ITGB8: variants seen among roughly 807,000 people sequenced by gnomAD.
ITGB8 encodes integrin subunit beta 8.
A neutral mutation model predicts 89.5 loss-of-function variants in ITGB8; 30 were observed. The observed-to-expected ratio is 0.34, with a 90% confidence interval of 0.25 to 0.45. The LOEUF (loss-of-function observed/expected upper bound fraction) is 0.45, where lower values mean the gene tolerates loss of function less well. ITGB8 is among the 20% of genes least tolerant of loss of function. The probability of loss-of-function intolerance (pLI) is 1.00; values close to 1 mark genes in which losing one functional copy is unlikely to be tolerated. For missense variants in ITGB8, 836 were observed against 933.3 expected (o/e 0.90, Z 1.36); for synonymous variants, 335 against 320.4 (o/e 1.05, Z -0.49).
intron 1 of ITGB8, among the ~76,000 whole-genome samples, chr7:20,360,348 AT>A (rs71020629): frequency 5.5e-5 from 7 of 127,688 alleles, no homozygotes; most frequent in South Asian, 2.5e-4. Flanking sequence ...CAGTCCTTTA[AT>A]TTTTTTTTTT....
chr7:20,391,402 G>A lies in ITGB8; in HGVS notation c.961-1G>A. On this transcript the variant is annotated splice_acceptor_variant, in intron 6 of 13. Transcript: ENST00000222573. LOFTEE classifies it high-confidence loss of function. ...CTTATTTATTTTATTATTCATTACA[G>A]GAACACCCCTCACTAGGCCAACTTT... The A allele has an allele frequency of 6.5e-7, 1 of 1,533,162 alleles. No homozygotes were observed. The highest frequency in any genetic ancestry group is 2.3e-5 in the East Asian group (1 of 43,684). 95.0% of individuals were successfully genotyped at this position (1,533,162 alleles called of 1,614,324 possible). A position where few individuals can be genotyped will look rare whatever the true frequency, so the allele number is the denominator to read the frequency against.
chr7:20,362,205 G>A (rs1785530079), intron 1 of ITGB8, among the ~76,000 whole-genome samples: 1 of 151,956 alleles, frequency 6.6e-6, no homozygotes, highest in East Asian at 1.9e-4. Context: ...CTTTTATCTT[G>A]TATTTCCAGA....
At chr7:20,347,554 G>A (rs189300062) in intron 1 of ITGB8, among the ~76,000 whole-genome samples, 1 of 152,352 alleles carries the variant, frequency 6.6e-6, no homozygotes, top group East Asian at 1.9e-4. Context: ...GGCTGTGGTA[G>A]AGAGAGGAGT....
In ITGB8 at chr7:20,404,611, C is replaced by G; in HGVS notation, c.1688-17C>G. 6.3e-7 allele frequency: 1 copy of G among 1,599,544 alleles called. No individual in the cohort carries two copies. Among genetic ancestry groups the G allele is most frequent in the Non-Finnish European group, 8.6e-7 (1 of 1,168,694 alleles). ...AGTGATCCAGATAACATAGGTCCTG[C>G]GGTGTCTTCCTCACAGGGCATGGAG... On this transcript the variant is annotated splice_polypyrimidine_tract_variant and intron_variant, in intron 10 of 13. Coordinates refer to ENST00000222573, the MANE Select transcript of ITGB8 (RefSeq NM_002214.3).
At chr7:20,340,136 GT>G (rs1255231470) in intron 1 of ITGB8, among the ~76,000 whole-genome samples, 1 of 152,200 alleles carries the variant, frequency 6.6e-6, no homozygotes, top group Non-Finnish European at 1.5e-5. Flanking sequence ...TGCTATAATG[GT>G]TTTAGACGTG....
chr7:20,414,787 C>G lies in ITGB8; in HGVS notation c.*4790C>G, dbSNP rs922149422. 1.3e-5 allele frequency: 2 copies of G among 152,418 alleles called. No individual in the cohort carries two copies. The highest frequency in any genetic ancestry group is 2.9e-5 in the Non-Finnish European group (2 of 67,946). 9.4% of individuals were successfully genotyped at this position (152,418 alleles called of 1,614,324 possible). ...CTATCTGGGCAGCTGTTAATGTAAA[C>G]CTGAGAGTAATAACACTACTCTTTT... On this transcript the variant is annotated 3_prime_UTR_variant, in exon 14 of 14. Transcript: ENST00000222573.
chr7:20,385,016 G>A (rs951250178), intron 6 of ITGB8, among the ~76,000 whole-genome samples: 9 of 152,342 alleles, frequency 5.9e-5, no homozygotes, highest in African/African-American at 1.9e-4. Flanking sequence ...TAAAATGGCA[G>A]ATGTTAATAC....
chr7:20,390,225 G>A (rs1786799012), intron 6 of ITGB8, among the ~76,000 whole-genome samples: 2 of 152,106 alleles, frequency 1.3e-5, no homozygotes, highest in Non-Finnish European at 2.9e-5. Context: ...TAAATGTTAT[G>A]ATACTAATTG....
chr7:20,334,606 A>G (rs1784516959), intron 1 of ITGB8, among the ~76,000 whole-genome samples: 1 of 152,192 alleles, frequency 6.6e-6, no homozygotes, highest in Non-Finnish European at 1.5e-5. Context: ...AAAGCGTTGC[A>G]TAGCATAAGT....
At chr7:20,408,838 C>T (rs1787652275) in intron 12 of ITGB8, among the ~76,000 whole-genome samples, 1 of 152,106 alleles carries the variant, frequency 6.6e-6, no homozygotes, top group Non-Finnish European at 1.5e-5. Flanking sequence ...TGCCCCTCCT[C>T]TTAACACAAC....
chr7:20,360,721 T>TAC (rs1323008484), intron 1 of ITGB8, among the ~76,000 whole-genome samples: 1 of 152,064 alleles, frequency 6.6e-6, no homozygotes, highest in Non-Finnish European at 1.5e-5. Flanking sequence ...TATATATATA[T>TAC]ACCAGATTTT....
At chr7:20,332,985 T>C (rs1418867756) in intron 1 of ITGB8, among the ~76,000 whole-genome samples, 1 of 151,902 alleles carries the variant, frequency 6.6e-6, no homozygotes, top group African/African-American at 2.4e-5. Flanking sequence ...TTAAATTATA[T>C]TAGAGCCTTT....
At chr7:20,402,172 C>T in intron 10 of ITGB8, 46 bp downstream of exon 10, 1 of 1,444,902 alleles carries the variant, frequency 6.9e-7, no homozygotes, top group Non-Finnish European at 9.4e-7. Flanking sequence ...CACTATTACA[C>T]CAGCATAGAT....
intron 1 of ITGB8, among the ~76,000 whole-genome samples, chr7:20,333,323 G>A (rs1451500558): frequency 6.6e-6 from 1 of 152,190 alleles, no homozygotes; most frequent in Non-Finnish European, 1.5e-5. Flanking sequence ...TAGTGAAAAG[G>A]CAAAGGAAAA....
At chr7:20,389,710 T>A (rs923379225) in intron 6 of ITGB8, among the ~76,000 whole-genome samples, 1 of 152,158 alleles carries the variant, frequency 6.6e-6, no homozygotes, top group Non-Finnish European at 1.5e-5. Flanking sequence ...ACAGACAGAT[T>A]TACCTTGCCT....
Position 20,331,696 on chromosome 7 carries a change from G to T in ITGB8, c.-111G>T. On this transcript the variant is annotated 5_prime_UTR_variant, in exon 1 of 14. Coordinates refer to ENST00000222573, the MANE Select transcript of ITGB8 (RefSeq NM_002214.3). ...GCGGGGTCCGCCTGCTAGGCCTGCGGAAAACGTCCTAGCGACACTCGGCCC... is the reference window on the plus strand; with the variant it reads ...GCGGGGTCCGCCTGCTAGGCCTGCGTAAAACGTCCTAGCGACACTCGGCCC... 1 of 1,329,578 alleles carries T rather than the reference G, an allele frequency of 7.5e-7. No individual in the cohort carries two copies. Among genetic ancestry groups the T allele is most frequent in the Non-Finnish European group, 9.9e-7 (1 of 1,007,726 alleles). The allele number at this position is 1,329,578 out of a possible 1,614,324, so 82.4% of individuals were successfully genotyped here.
intron 3 of ITGB8, among the ~76,000 whole-genome samples, chr7:20,378,512 T>G (rs1417755576): frequency 6.6e-6 from 1 of 152,222 alleles, no homozygotes; most frequent in African/African-American, 2.4e-5. Context: ...AATAGCTTGC[T>G]GTACTACACA....
chr7:20,331,969 C>G (rs201461288), intron 1 of ITGB8, 36 bp downstream of exon 1: 16 of 1,606,464 alleles, frequency 1.0e-5, no homozygotes, highest in Non-Finnish European at 1.4e-5. Flanking sequence ...TTCTTCTCTT[C>G]CCCAAAGGTC....
intron 1 of ITGB8, among the ~76,000 whole-genome samples, chr7:20,340,826 T>C (rs1375776143): frequency 1.3e-5 from 2 of 152,214 alleles, no homozygotes; most frequent in African/African-American, 2.4e-5. Flanking sequence ...TAAAGGATCA[T>C]TAGAATATTA....
Sources: allele counts gnomAD v4.1 joint callset (sites outside exome capture counted in the v4.1 genomes callset), GRCh38; gene constraint gnomAD v4.1.1; transcripts MANE v1.5; gene names NCBI Gene and HGNC (gene_info 2026-07-23, HGNC 2026-07-21).